Variants in CRACR2A observed in about 807,000 individuals in gnomAD.
The protein encoded by CRACR2A is EF-hand calcium-binding domain-containing protein 4B.
CRACR2A carries 79 observed loss-of-function variants against 90.5 expected under a neutral mutation model. That is an observed-to-expected ratio of 0.87 (90% CI 0.73 to 1.05). The LOEUF is 1.05. Ranked by LOEUF, CRACR2A falls within the 50% of genes least tolerant of loss-of-function variation. The probability of loss-of-function intolerance (pLI) is 0.00; values close to 1 mark genes in which losing one functional copy is unlikely to be tolerated. For missense variants in CRACR2A, 823 were observed against 897.2 expected, an observed-to-expected ratio of 0.92 and a Z score of 1.06; for synonymous variants, 338 against 356.7, an observed-to-expected ratio of 0.95 and a Z score of 0.59.
intron 3 of CRACR2A, among the ~76,000 whole-genome samples, chr12:3,701,437 T>G (rs1337742666): frequency 6.6e-6 from 1 of 152,046 alleles, no homozygotes; most frequent in South Asian, 2.1e-4. Flanking sequence ...TTGAGAAGAT[T>G]AATAAAGAGA....
At chr12:3,730,611 T>C (rs1485849475) in intron 2 of CRACR2A, 2 of 152,184 alleles carry the variant, frequency 1.3e-5, no homozygotes, top group Non-Finnish European at 2.9e-5. Context: ...AATGGGATAC[T>C]ATGCCCCTGT....
chr12:3,719,513 C>T (rs1041312713), intron 2 of CRACR2A, among the ~76,000 whole-genome samples: 2 of 152,188 alleles, frequency 1.3e-5, no homozygotes, highest in African/African-American at 4.8e-5. Flanking sequence ...ACTGAGGTTT[C>T]TTTGCATCAC....
intron 3 of CRACR2A, among the ~76,000 whole-genome samples, chr12:3,703,328 G>A (rs1362081386): frequency 2.6e-5 from 4 of 152,168 alleles, no homozygotes; most frequent in African/African-American, 7.2e-5. Flanking sequence ...TTCATGATCC[G>A]CCCACCTTGG....
At chr12:3,720,121 A>C (rs1946133866) in intron 2 of CRACR2A, among the ~76,000 whole-genome samples, 1 of 144,460 alleles carries the variant, frequency 6.9e-6, no homozygotes, top group African/African-American at 2.6e-5. Context: ...CTCTATCTCA[A>C]GAAAGAAAGA....
intron 5 of CRACR2A, 41 bp downstream of exon 5, chr12:3,680,197 G>T: frequency 6.6e-7 from 1 of 1,508,238 alleles, no homozygotes; most frequent in South Asian, 1.1e-5. Flanking sequence ...GTGTTAGGTA[G>T]ACCCATAACC....
At chr12:3,683,561 C>T (rs932481503) in intron 4 of CRACR2A, among the ~76,000 whole-genome samples, 1 of 152,214 alleles carries the variant, frequency 6.6e-6, no homozygotes, top group East Asian at 1.9e-4. Flanking sequence ...TCACTTCCTC[C>T]GTAAGGCCTT....
At chr12:3,725,448 C>T (rs1946247723) in intron 2 of CRACR2A, among the ~76,000 whole-genome samples, 1 of 152,146 alleles carries the variant, frequency 6.6e-6, no homozygotes, top group Non-Finnish European at 1.5e-5. Flanking sequence ...TCTCTATGTC[C>T]CTCCTCTGTG....
chr12:3,752,387 G>GAC lies in CRACR2A; in HGVS notation c.-387+626_-387+627dup, dbSNP rs571320253. On this transcript the variant is annotated intron_variant, in intron 1 of 19. Coordinates refer to ENST00000440314, the MANE Select transcript of CRACR2A (RefSeq NM_001144958.2). ...ACACACACAGACACACACACACACG[G>GAC]ACACACACACACACGGACAGAGTCA... 2.1e-3 allele frequency: 223 copies of GAC among 104,478 alleles called. 1 individual carries two copies. The East Asian group carries it at 0.03, about 14-fold the overall frequency. 6.5% of individuals were successfully genotyped at this position (104,478 alleles called of 1,614,324 possible).
intron 4 of CRACR2A, among the ~76,000 whole-genome samples, chr12:3,680,916 T>C (rs1186299810): frequency 6.6e-6 from 1 of 152,016 alleles, no homozygotes; most frequent in Non-Finnish European, 1.5e-5. Flanking sequence ...GCATTCAATA[T>C]AAAGTAGTAG....
intron 17 of CRACR2A, among the ~76,000 whole-genome samples, chr12:3,625,539 A>G (rs1944239841): frequency 1.3e-5 from 2 of 150,498 alleles, no homozygotes; most frequent in South Asian, 4.3e-4. Flanking sequence ...GGGGACAACT[A>G]AATGTCTGTG....
rs144280417 is a variant in CRACR2A, at chr12:3,718,557, G to C, written c.-117-5240C>G. On this transcript the variant is annotated intron_variant, in intron 2 of 19. Transcript: ENST00000440314. Reference sequence around the variant, plus strand: ...TAAAGTGAGATGTAAGAGCAAAAGAGATTTCAAAGACTGAGTTCAAAAGAA... The same window carrying C: ...TAAAGTGAGATGTAAGAGCAAAAGACATTTCAAAGACTGAGTTCAAAAGAA... Among the ~76,000 whole-genome samples the C allele has an allele frequency of 8.5e-4, 130 of 152,314 alleles. 1 individual carries two copies. The highest frequency in any genetic ancestry group is 3.1e-3 in the African/African-American group (129 of 41,560).
chr12:3,680,316 C>G lies in CRACR2A; in HGVS notation c.262G>C (p.Glu88Gln), dbSNP rs903052209. The change falls in exon 5 of 20, where the codon GAA (glutamate) becomes CAA (glutamine). Residue 88 changes from glutamate (E) to glutamine (Q), a missense_variant. By Grantham distance (29) the Glu-to-Gln change is conservative (BLOSUM62 2). Coordinates refer to ENST00000440314, the MANE Select transcript of CRACR2A (RefSeq NM_001144958.2). ...AGGGCATCAAACACATCCTCCAGTT[C>G]CTCCAGGCTGAGCGGTAGCTCCTTA... The part of the protein sequence containing the change: ...LHKELPLSLE[E>Q]LEDVFDALDA... 1 of 1,614,082 alleles carries G rather than the reference C, an allele frequency of 6.2e-7. No individual in the cohort carries two copies. Among genetic ancestry groups the G allele is most frequent in the Non-Finnish European group, 8.5e-7 (1 of 1,180,028 alleles).
At chr12:3,647,558 C>T (rs953113423) in intron 11 of CRACR2A, among the ~76,000 whole-genome samples, 2 of 152,112 alleles carry the variant, frequency 1.3e-5, no homozygotes, top group African/African-American at 4.8e-5. Context: ...GAATCAAGAC[C>T]TTCGCGCAAA....
At chr12:3,736,326 C>T (rs1043771199) in intron 1 of CRACR2A, among the ~76,000 whole-genome samples, 5 of 151,248 alleles carry the variant, frequency 3.3e-5, no homozygotes, top group African/African-American at 1.2e-4. Context: ...AGGATGACTC[C>T]ATGACATCTA....
At chr12:3,703,440 A>G (rs990809630) in intron 3 of CRACR2A, among the ~76,000 whole-genome samples, 2 of 152,242 alleles carry the variant, frequency 1.3e-5, no homozygotes, top group African/African-American at 4.8e-5. Context: ...ACTACAATGT[A>G]TCATGGACCT....
intron 17 of CRACR2A, 73 bp from the exon 18 acceptor site, chr12:3,619,445 G>A: frequency 1.6e-6 from 2 of 1,232,844 alleles, no homozygotes; most frequent in East Asian, 2.5e-5. Flanking sequence ...AACAATGCCG[G>A]CTGGACAGAT....
chr12:3,653,086 C>G (rs1211205549), intron 10 of CRACR2A, among the ~76,000 whole-genome samples: 1 of 152,008 alleles, frequency 6.6e-6, no homozygotes, highest in African/African-American at 2.4e-5. Context: ...AGGTTCAAGC[C>G]ATTCTCCTGC....
intron 1 of CRACR2A, among the ~76,000 whole-genome samples, chr12:3,749,720 A>C (rs906039928): frequency 6.6e-6 from 1 of 152,114 alleles, no homozygotes; most frequent in Non-Finnish European, 1.5e-5. Context: ...CGATTTGAAA[A>C]GGCAAAGAAA....
chr12:3,717,410 C>T (rs749709312), intron 2 of CRACR2A, among the ~76,000 whole-genome samples: 12 of 152,176 alleles, frequency 7.9e-5, no homozygotes, highest in Non-Finnish European at 1.2e-4. Flanking sequence ...TATATCCATA[C>T]GCACAACTCA....
Sources: allele counts gnomAD v4.1 joint callset (sites outside exome capture counted in the v4.1 genomes callset), GRCh38; gene constraint gnomAD v4.1.1; transcripts MANE v1.5; gene names NCBI Gene and HGNC (gene_info 2026-07-23, HGNC 2026-07-21).